Variants in SLC44A5 observed in about 807,000 individuals in gnomAD.
SLC44A5 encodes the protein solute carrier family 44 member 5, also known as choline transporter-like protein 5.
Under a neutral mutation model 101.8 loss-of-function variants are expected in SLC44A5, and 57 were observed. The ratio of observed to expected loss-of-function variants is 0.56; its 90% CI spans 0.45 to 0.70. The LOEUF is 0.70. Among genes scored for constraint, SLC44A5 ranks in the 30% least tolerant of loss-of-function variants. SLC44A5 has a pLI of 0.00. For synonymous variants in SLC44A5, 281 were observed against 290.9 expected, an observed-to-expected ratio of 0.97 and a Z score of 0.35; for missense variants, 737 against 853.1, an observed-to-expected ratio of 0.86 and a Z score of 1.70.
In SLC44A5 at chr1:75,408,702, C is replaced by A. The variant is rs1288767381; in HGVS notation, c.14-12081G>T. Among the ~76,000 whole-genome samples, 4 of 147,060 alleles carry A rather than the reference C, an allele frequency of 2.7e-5. No individual in the cohort carries two copies. In the East Asian group the frequency reaches 8.1e-4, roughly 30 times the overall value. ...GGAGGGGAACATCACACACTGGGGC[C>A]TGTCGGGGGCTGGGGGGCTAGGGGA... On this transcript the variant is annotated intron_variant, in intron 2 of 23. Coordinates refer to ENST00000370859, the MANE Select transcript of SLC44A5 (RefSeq NM_001130058.2).
At chr1:75,621,312 C>G in the SLC44A5 span, among the ~76,000 whole-genome samples, 38 of 152,170 alleles carry the variant, frequency 2.5e-4, no homozygotes, top group African/African-American at 8.9e-4. Flanking sequence ...GTCGTATAAT[C>G]ATTATTCTTA....
chr1:75,587,015 C>A (rs1372961234), intron 1 of SLC44A5, among the ~76,000 whole-genome samples: 1 of 152,014 alleles, frequency 6.6e-6, no homozygotes, highest in African/African-American at 2.4e-5. Flanking sequence ...AGAGCTGGGG[C>A]AGGCTGGTGC....
chr1:75,608,091 T>G (rs1358535910), intron 1 of SLC44A5, among the ~76,000 whole-genome samples: 1 of 152,026 alleles, frequency 6.6e-6, no homozygotes, highest in Non-Finnish European at 1.5e-5. Flanking sequence ...AGTGAGATCA[T>G]ACAGTATTTT....
chr1:75,504,148 T>G (rs760898923), intron 2 of SLC44A5, among the ~76,000 whole-genome samples: 5 of 152,208 alleles, frequency 3.3e-5, no homozygotes, highest in Non-Finnish European at 5.9e-5. Context: ...TGTCATAAAG[T>G]TATCTTAAAA....
intron 7 of SLC44A5, among the ~76,000 whole-genome samples, chr1:75,246,669 G>A (rs1649133638): frequency 6.6e-6 from 1 of 152,090 alleles, no homozygotes; most frequent in Admixed American, 6.6e-5. Context: ...AGAGAAAGGA[G>A]TGGCTGCGTG....
At chr1:75,671,313 G>A in the SLC44A5 span, among the ~76,000 whole-genome samples, 1 of 152,156 alleles carries the variant, frequency 6.6e-6, no homozygotes, top group African/African-American at 2.4e-5. Context: ...TAATTTGCTA[G>A]CTCTAGAAAT....
chr1:75,451,425 C>T (rs1570318520), intron 2 of SLC44A5, among the ~76,000 whole-genome samples: 1 of 151,804 alleles, frequency 6.6e-6, no homozygotes, highest in Non-Finnish European at 1.5e-5. Flanking sequence ...AGAAGCAAAA[C>T]CAAAGAACCC....
intron 3 of SLC44A5, among the ~76,000 whole-genome samples, chr1:75,348,149 CCT>C (rs893526886): frequency 3.3e-5 from 5 of 151,432 alleles, no homozygotes; most frequent in African/African-American, 1.2e-4. Flanking sequence ...CTCTCTCTCT[CCT>C]CTCTCTCTCT....
intron 12 of SLC44A5, among the ~76,000 whole-genome samples, chr1:75,230,531 G>A (rs957504449): frequency 6.6e-6 from 1 of 152,136 alleles, no homozygotes; most frequent in Admixed American, 6.6e-5. Flanking sequence ...TTACAGGTGT[G>A]AGCCACTGTA....
chr1:75,205,485 T>C (rs1646734468), intron 23 of SLC44A5: 1 of 152,196 alleles, frequency 6.6e-6, no homozygotes, highest in Non-Finnish European at 1.5e-5. Context: ...ATTCATGCTT[T>C]GTTCTGCCAT....
chr1:75,615,145 C>A (rs1396417388), upstream of SLC44A5, among the ~76,000 whole-genome samples: 1 of 152,048 alleles, frequency 6.6e-6, no homozygotes, highest in East Asian at 1.9e-4. Flanking sequence ...TTTGGAAGCC[C>A]GGGTTCCAAA....
intron 22 of SLC44A5, among the ~76,000 whole-genome samples, chr1:75,212,230 G>A (rs1255818889): frequency 1.3e-5 from 2 of 151,890 alleles, no homozygotes; most frequent in Non-Finnish European, 2.9e-5. Flanking sequence ...ATGTGTACAG[G>A]TTTGTCATAT....
the SLC44A5 span, among the ~76,000 whole-genome samples, chr1:75,689,911 AGG>A: frequency 6.6e-6 from 1 of 152,102 alleles, no homozygotes; most frequent in African/African-American, 2.4e-5. Flanking sequence ...TGGTCATGCA[AGG>A]ATTTCAACCA....
At chr1:75,384,379 A>G (rs1174249291) in intron 3 of SLC44A5, among the ~76,000 whole-genome samples, 7 of 142,406 alleles carry the variant, frequency 4.9e-5, no homozygotes, top group Non-Finnish European at 9.1e-5. Context: ...AAGCAAATGG[A>G]AAACAAAAAA....
the SLC44A5 span, among the ~76,000 whole-genome samples, chr1:75,639,915 C>T: frequency 2.5e-3 from 374 of 152,104 alleles, 1 homozygote; most frequent in Middle Eastern, 0.01. Context: ...GCCCTTGTCA[C>T]ATCTGCTTGA....
chr1:75,701,076 G>T, the SLC44A5 span, among the ~76,000 whole-genome samples: 2 of 152,088 alleles, frequency 1.3e-5, no homozygotes, highest in South Asian at 2.1e-4. Context: ...TCTACCAGAG[G>T]TACAAGGAGG....
At chr1:75,657,059 G>T in the SLC44A5 span, among the ~76,000 whole-genome samples, 1 of 152,180 alleles carries the variant, frequency 6.6e-6, no homozygotes, top group African/African-American at 2.4e-5. Flanking sequence ...TGAGGTGGAA[G>T]GATCACTTGT....
Position 75,311,499 on chromosome 1 carries a change from C to T in SLC44A5, c.102-10814G>A, listed in dbSNP as rs568493461. On this transcript the variant is annotated intron_variant, in intron 4 of 23. Transcript: ENST00000370859. ...GTCCAGAGTGGTCTCAGTTCTCTTA[C>T]AACAAAGCACTACAATTCAACTTAC... 105 of 952,656 alleles carry T rather than the reference C, an allele frequency of 1.1e-4. No individual in the cohort carries two copies. The African/African-American group carries it at 1.5e-3, about 14-fold the overall frequency. 59.0% of individuals were successfully genotyped at this position (952,656 alleles called of 1,614,324 possible).
intron 2 of SLC44A5, among the ~76,000 whole-genome samples, chr1:75,404,110 A>T (rs1662687726): frequency 6.6e-6 from 1 of 151,996 alleles, no homozygotes; most frequent in Non-Finnish European, 1.5e-5. Context: ...GAGACTGAAG[A>T]TCAACTTAAT....
Sources: gnomAD v4.1 joint callset for allele counts (sites outside exome capture counted in the v4.1 genomes callset) on GRCh38, gnomAD v4.1.1 for gene constraint, MANE v1.5 for transcripts, NCBI Gene and HGNC (gene_info 2026-07-23, HGNC 2026-07-21) for gene names.